Variants in ADAMTS19 observed in about 807,000 individuals in gnomAD.
ADAMTS19 encodes ADAM metallopeptidase with thrombospondin type 1 motif 19.
In ADAMTS19, 93 loss-of-function variants were observed where a neutral mutation model predicts 153.3. The ratio of observed to expected loss-of-function variants is 0.61; its 90% CI spans 0.51 to 0.72. The LOEUF (loss-of-function observed/expected upper bound fraction) is 0.72. Among genes scored for constraint, ADAMTS19 ranks in the 30% least tolerant of loss-of-function variants. The pLI is 0.00. For missense variants in ADAMTS19, 1,482 were observed against 1,552.1 expected, an observed-to-expected ratio of 0.95 and a Z score of 0.76; for synonymous variants, 600 against 556.6, an observed-to-expected ratio of 1.08 and a Z score of -1.10.
chr5:129,593,499 T>G (rs1750240935), intron 7 of ADAMTS19, among the ~76,000 whole-genome samples: 1 of 152,154 alleles, frequency 6.6e-6, no homozygotes, highest in South Asian at 2.1e-4. Context: ...CTTTTTTTTG[T>G]AAAATGTCTG....
rs765039689 is a variant in ADAMTS19 at position 129,658,766 on chromosome 5, T to C, written c.2425+29T>C. 1.6e-5 allele frequency: 26 copies of C among 1,585,942 alleles called. No individual in the cohort carries two copies. The East Asian group carries it at 5.8e-4, about 36-fold the overall frequency. ...ATTTTTCTTTATTTTTTCATAAATA[T>C]TAATCCCTGCAATCTTTGGGAACAC... On this transcript the variant is annotated intron_variant, in intron 15 of 22. Transcript: ENST00000274487.
At chr5:129,670,167 A>G (rs534579437) in intron 16 of ADAMTS19, among the ~76,000 whole-genome samples, 1 of 152,046 alleles carries the variant, frequency 6.6e-6, no homozygotes, top group African/African-American at 2.4e-5. Flanking sequence ...TCTGTATTAC[A>G]TTGTCCTGCT....
chr5:129,577,436 A>T (rs1368524762), intron 7 of ADAMTS19, among the ~76,000 whole-genome samples: 1 of 152,164 alleles, frequency 6.6e-6, no homozygotes, highest in Non-Finnish European at 1.5e-5. Flanking sequence ...GATATAGAAA[A>T]AATAGCCCAT....
At chr5:129,682,377 T>C (rs1225703688) in intron 17 of ADAMTS19, among the ~76,000 whole-genome samples, 1 of 152,344 alleles carries the variant, frequency 6.6e-6, no homozygotes, top group East Asian at 1.9e-4. Context: ...CACTTTCCTT[T>C]TTGCAAAGAA....
intron 7 of ADAMTS19, among the ~76,000 whole-genome samples, chr5:129,592,870 T>C (rs1271149292): frequency 3.3e-5 from 5 of 152,206 alleles, no homozygotes; most frequent in African/African-American, 1.2e-4. Context: ...TATGAATATA[T>C]GATGGTATGA....
intron 7 of ADAMTS19, among the ~76,000 whole-genome samples, chr5:129,553,798 A>C (rs1753218618): frequency 6.6e-6 from 1 of 152,138 alleles, no homozygotes; most frequent in South Asian, 2.1e-4. Flanking sequence ...AAAACTTATA[A>C]CAACCAAGTC....
chr5:129,686,602 G>A (rs932049619), intron 18 of ADAMTS19, among the ~76,000 whole-genome samples: 7 of 152,050 alleles, frequency 4.6e-5, no homozygotes, highest in African/African-American at 1.7e-4. Flanking sequence ...CCCACTGAAG[G>A]CTACAGGGAG....
At chr5:129,560,229 T>C (rs1260014368) in intron 7 of ADAMTS19, among the ~76,000 whole-genome samples, 1 of 152,216 alleles carries the variant, frequency 6.6e-6, no homozygotes, top group African/African-American at 2.4e-5. Flanking sequence ...TTTAATGCCA[T>C]TTGTTCTACA....
chr5:129,545,115 A>G (rs1025253604), intron 6 of ADAMTS19, among the ~76,000 whole-genome samples: 1 of 152,164 alleles, frequency 6.6e-6, no homozygotes, highest in Non-Finnish European at 1.5e-5. Context: ...TTTAAAAAGT[A>G]CTAACAGGGA....
intron 6 of ADAMTS19, among the ~76,000 whole-genome samples, chr5:129,541,285 T>C (rs1449289134): frequency 6.6e-6 from 1 of 151,896 alleles, no homozygotes; most frequent in East Asian, 1.9e-4. Flanking sequence ...TTGTCATAGT[T>C]TTATCGTGTT....
chr5:129,479,943 G>A (rs1421933683), intron 2 of ADAMTS19, among the ~76,000 whole-genome samples: 3 of 152,052 alleles, frequency 2.0e-5, no homozygotes, highest in African/African-American at 7.2e-5. Context: ...AGCTTTTTGG[G>A]TAGAAATTGA....
At chr5:129,501,428 AGGGATGGGGCCT>A (rs1203716247) in intron 2 of ADAMTS19, among the ~76,000 whole-genome samples, 1 of 152,108 alleles carries the variant, frequency 6.6e-6, no homozygotes, top group Non-Finnish European at 1.5e-5. Flanking sequence ...TTGCTTTGGG[AGGGATGGGGCCT>A]GGCCTGGCTA....
chr5:129,635,973 T>C (rs1752515382), intron 10 of ADAMTS19, among the ~76,000 whole-genome samples: 1 of 152,302 alleles, frequency 6.6e-6, no homozygotes, highest in South Asian at 2.1e-4. Flanking sequence ...CTCACCTTAC[T>C]GCAACCTCCA....
At chr5:129,624,126 C>CAAAA (rs765901844) in intron 10 of ADAMTS19, among the ~76,000 whole-genome samples, 9 of 26,814 alleles carry the variant, frequency 3.4e-4, no homozygotes, top group African/African-American at 6.3e-4. Flanking sequence ...GGCTCAGTCT[C>CAAAA]AAAAAAAAAA....
intron 8 of ADAMTS19, among the ~76,000 whole-genome samples, chr5:129,608,905 TATATCATCTCCTAAGACTTTTAGA>T (rs1395252257): frequency 6.6e-6 from 1 of 151,168 alleles, no homozygotes; most frequent in Non-Finnish European, 1.5e-5. Flanking sequence ...GCATATAAAG[TATATCATCTCCTAAGACTTTTAGA>T]ATGGGAAATA....
chr5:129,660,770 A>G (rs1231387862), intron 15 of ADAMTS19, among the ~76,000 whole-genome samples: 1 of 152,220 alleles, frequency 6.6e-6, no homozygotes, highest in East Asian at 1.9e-4. Context: ...AATATTAAAG[A>G]TTAATAAGGC....
intron 6 of ADAMTS19, among the ~76,000 whole-genome samples, chr5:129,540,749 G>C (rs1752628676): frequency 6.6e-6 from 1 of 151,986 alleles, no homozygotes. Flanking sequence ...ATTCTCAGAT[G>C]CATCTTCATT....
intron 8 of ADAMTS19, among the ~76,000 whole-genome samples, chr5:129,597,369 C>A (rs1343672744): frequency 2.0e-5 from 3 of 152,060 alleles, no homozygotes; most frequent in African/African-American, 7.2e-5. Context: ...TTAGTGTACC[C>A]ATTTTATTGG....
chr5:129,649,098 G>A, intron 13 of ADAMTS19, 128 bp downstream of exon 13: 1 of 883,582 alleles, frequency 1.1e-6, no homozygotes, highest in Non-Finnish European at 1.7e-6. Flanking sequence ...TTTTCTACCT[G>A]TATGGACATA....
Sources: gnomAD v4.1 joint callset for allele counts (sites outside exome capture counted in the v4.1 genomes callset) on GRCh38, gnomAD v4.1.1 for gene constraint, MANE v1.5 for transcripts, NCBI Gene and HGNC (gene_info 2026-07-23, HGNC 2026-07-21) for gene names.